The following WWOX variants were observed in gnomAD, a reference collection of about 807,000 sequenced individuals.
The protein encoded by WWOX is WW domain-containing oxidoreductase.
Under a neutral mutation model 46.2 loss-of-function variants are expected in WWOX, and 69 were observed. The observed-to-expected ratio is 1.49, with a 90% confidence interval of 1.23 to 1.82. WWOX has a LOEUF of 1.82. Ranked by LOEUF, WWOX falls within the 40% of genes most tolerant of loss-of-function variation. WWOX has a pLI of 0.00. For synonymous variants in WWOX, 359 were observed against 202.6 expected (o/e 1.77, Z -6.56); for missense variants, 919 against 542.6 (o/e 1.69, Z -6.89).
intron 8 of WWOX, among the ~76,000 whole-genome samples, chr16:79,177,519 C>T (rs1403401057): frequency 6.6e-6 from 1 of 152,166 alleles, no homozygotes; most frequent in Non-Finnish European, 1.5e-5. Flanking sequence ...AAATCCCTCT[C>T]CTTCCAGCTT....
At chr16:78,252,240 G>A (rs1445745662) in intron 5 of WWOX, among the ~76,000 whole-genome samples, 1 of 152,116 alleles carries the variant, frequency 6.6e-6, no homozygotes, top group Non-Finnish European at 1.5e-5. Context: ...ACAGAAGCTA[G>A]CTCTGAGCAC....
intron 8 of WWOX, among the ~76,000 whole-genome samples, chr16:78,554,268 A>C (rs1207876806): frequency 5.9e-5 from 9 of 152,182 alleles, no homozygotes; most frequent in African/African-American, 2.2e-4. Context: ...GATTTTCACT[A>C]TCAGTGGTAT....
At chr16:78,663,453 TATGA>T (rs1220430800) in intron 8 of WWOX, among the ~76,000 whole-genome samples, 1 of 152,214 alleles carries the variant, frequency 6.6e-6, no homozygotes, top group Non-Finnish European at 1.5e-5. Context: ...TTCTGGCTAT[TATGA>T]ATAATACTGC....
At chr16:78,931,985 C>T (rs774051316) in intron 8 of WWOX, among the ~76,000 whole-genome samples, 1 of 152,224 alleles carries the variant, frequency 6.6e-6, no homozygotes, top group African/African-American at 2.4e-5. Context: ...CTCTTGCCTG[C>T]TGCCATTTAA....
At chr16:78,209,554 A>G (rs1227673545) in intron 5 of WWOX, among the ~76,000 whole-genome samples, 1 of 152,200 alleles carries the variant, frequency 6.6e-6, no homozygotes, top group Non-Finnish European at 1.5e-5. Context: ...ATTGTTCTGT[A>G]TAATATGTGC....
At chr16:78,242,949 A>C (rs1485769289) in intron 5 of WWOX, among the ~76,000 whole-genome samples, 1 of 152,110 alleles carries the variant, frequency 6.6e-6, no homozygotes, top group Non-Finnish European at 1.5e-5. Flanking sequence ...TGGAGGTTGC[A>C]GTGAACTGAG....
intron 6 of WWOX, among the ~76,000 whole-genome samples, chr16:78,422,762 T>C (rs569862348): frequency 1.3e-4 from 14 of 111,968 alleles, no homozygotes; most frequent in African/African-American, 5.0e-4. Flanking sequence ...TATATACACA[T>C]ATATATACAC....
intron 8 of WWOX, among the ~76,000 whole-genome samples, chr16:79,140,930 G>C (rs2050077564): frequency 6.6e-6 from 1 of 152,158 alleles, no homozygotes; most frequent in Non-Finnish European, 1.5e-5. Context: ...ATTTGAAATA[G>C]AGATGGTTGG....
At chr16:79,007,892 A>C (rs1038306574) in intron 8 of WWOX, among the ~76,000 whole-genome samples, 1 of 152,216 alleles carries the variant, frequency 6.6e-6, no homozygotes, top group Non-Finnish European at 1.5e-5. Flanking sequence ...GTGCATGCAA[A>C]TGATTCCTCA....
intron 5 of WWOX, among the ~76,000 whole-genome samples, chr16:78,220,907 G>A (rs994455881): frequency 6.6e-6 from 1 of 152,054 alleles, no homozygotes; most frequent in Non-Finnish European, 1.5e-5. Flanking sequence ...TCAGGATTAA[G>A]GATATCCACT....
chr16:78,508,167 C>G (rs996717168), intron 8 of WWOX, among the ~76,000 whole-genome samples: 3 of 152,194 alleles, frequency 2.0e-5, no homozygotes, highest in South Asian at 2.1e-4. Context: ...CACCACCAAG[C>G]TTTGCTAATT....
chr16:78,610,352 A>T (rs551350898), intron 8 of WWOX, among the ~76,000 whole-genome samples: 2 of 152,322 alleles, frequency 1.3e-5, no homozygotes, highest in South Asian at 4.1e-4. Flanking sequence ...TTTCATTACT[A>T]TTCATGTGTA....
chr16:78,786,592 G>T (rs2050463174), intron 8 of WWOX, among the ~76,000 whole-genome samples: 2 of 152,118 alleles, frequency 1.3e-5, no homozygotes, highest in Non-Finnish European at 2.9e-5. Flanking sequence ...CATTTGAAGT[G>T]TAACATTCAA....
intron 8 of WWOX, among the ~76,000 whole-genome samples, chr16:79,071,041 G>A (rs748979144): frequency 6.6e-6 from 1 of 152,192 alleles, no homozygotes; most frequent in Non-Finnish European, 1.5e-5. Context: ...ATACGTGAAT[G>A]CATGGAGGCA....
chr16:78,138,600 C>G (rs570605941), intron 4 of WWOX, among the ~76,000 whole-genome samples: 1 of 152,314 alleles, frequency 6.6e-6, no homozygotes, highest in East Asian at 1.9e-4. Context: ...GAATCCATAT[C>G]TTTTGAAAGA....
At chr16:78,742,560 G>T (rs1210250221) in intron 8 of WWOX, among the ~76,000 whole-genome samples, 1 of 152,178 alleles carries the variant, frequency 6.6e-6, no homozygotes, top group Non-Finnish European at 1.5e-5. Flanking sequence ...TGACAAATCA[G>T]TTTCTAGGGA....
chr16:79,092,940 A>G (rs1373849911), intron 8 of WWOX, among the ~76,000 whole-genome samples: 3 of 152,176 alleles, frequency 2.0e-5, no homozygotes, highest in African/African-American at 4.8e-5. Flanking sequence ...TTTCATCTAT[A>G]ATATAGAATG....
chr16:78,399,642 C>T (rs1013655758), intron 6 of WWOX, among the ~76,000 whole-genome samples: 2 of 152,200 alleles, frequency 1.3e-5, no homozygotes, highest in African/African-American at 4.8e-5. Context: ...TGGTTACTCT[C>T]AGAGAACTCT....
At chr16:78,558,990 A>G (rs2051331871) in intron 8 of WWOX, among the ~76,000 whole-genome samples, 1 of 152,186 alleles carries the variant, frequency 6.6e-6, no homozygotes, top group African/African-American at 2.4e-5. Flanking sequence ...CTCCCTGACT[A>G]CAAGGACTTT....
Sources: gnomAD v4.1 joint callset for allele counts (sites outside exome capture counted in the v4.1 genomes callset) on GRCh38, gnomAD v4.1.1 for gene constraint, MANE v1.5 for transcripts, NCBI Gene and HGNC (gene_info 2026-07-23, HGNC 2026-07-21) for gene names.